The following LRRC7 variants were observed in gnomAD, a reference collection of about 807,000 sequenced individuals.
LRRC7 encodes leucine-rich repeat-containing protein 7.
Under a neutral mutation model 175.7 loss-of-function variants are expected in LRRC7, and 23 were observed. The observed-to-expected ratio is 0.13, with a 90% CI of 0.09 to 0.19. The LOEUF (loss-of-function observed/expected upper bound fraction) is 0.19, where lower values mean the gene tolerates loss of function less well. Among genes scored for constraint, LRRC7 ranks in the 10% least tolerant of loss-of-function variants. The pLI is 1.00. For synonymous variants in LRRC7, 685 were observed against 680.9 expected (o/e 1.01, Z -0.09); for missense variants, 1,354 against 1,904.7 (o/e 0.71, Z 5.38).
chr1:69,865,469 C>CTTTTTTTTTTTTTTTTTTTTT lies in LRRC7; in HGVS notation c.647+27191_647+27211dup, dbSNP rs532063540. ...ATAAGCAAGCTGCTGAAGACAGTTC[C>CTTTTTTTTTTTTTTTTTTTTT]TTTTTTTTTTTTTTTTTTTTTTTTT... On this transcript the variant is annotated intron_variant, in intron 7 of 26. Coordinates refer to ENST00000651989, the MANE Select transcript of LRRC7 (RefSeq NM_001370785.2). Among the ~76,000 whole-genome samples, 54 of 51,268 alleles carry CTTTTTTTTTTTTTTTTTTTTT rather than the reference C, an allele frequency of 1.1e-3. 11 individuals carry two copies. The highest frequency in any genetic ancestry group is 1.5e-3 in the African/African-American group (18 of 12,322). The allele number at this position is 51,268 out of a possible 152,430, so 33.6% of individuals were successfully genotyped here.
intron 1 of LRRC7, among the ~76,000 whole-genome samples, chr1:69,636,437 AC>A (rs1376857912): frequency 2.0e-5 from 3 of 151,828 alleles, no homozygotes; most frequent in Non-Finnish European, 4.4e-5. Context: ...ACACACACAC[AC>A]ACACACAGAG....
intron 8 of LRRC7, among the ~76,000 whole-genome samples, chr1:69,955,641 A>G (rs1650411810): frequency 6.6e-6 from 1 of 152,044 alleles, no homozygotes; most frequent in South Asian, 2.1e-4. Context: ...TCAGGTTGAT[A>G]AAATTGGTAT....
intron 2 of LRRC7, among the ~76,000 whole-genome samples, chr1:69,730,972 A>G (rs1309248457): frequency 1.3e-5 from 2 of 152,140 alleles, no homozygotes; most frequent in Non-Finnish European, 2.9e-5. Flanking sequence ...GGCAGCAAGC[A>G]GTGCCGAGAA....
At chr1:69,610,910 C>A (rs186137580) in intron 1 of LRRC7, among the ~76,000 whole-genome samples, 1 of 151,982 alleles carries the variant, frequency 6.6e-6, no homozygotes, top group African/African-American at 2.4e-5. Flanking sequence ...GTAGGAAAGA[C>A]CATTGCTTTT....
chr1:69,948,214 A>G (rs1649548484), intron 8 of LRRC7, among the ~76,000 whole-genome samples: 1 of 152,190 alleles, frequency 6.6e-6, no homozygotes, highest in African/African-American at 2.4e-5. Flanking sequence ...TGGTAACTAA[A>G]ACTATGGAAA....
At chr1:69,971,002 C>T (rs1166832153) in intron 8 of LRRC7, among the ~76,000 whole-genome samples, 3 of 152,060 alleles carry the variant, frequency 2.0e-5, no homozygotes, top group Non-Finnish European at 4.4e-5. Flanking sequence ...TGTGATACAC[C>T]ACATAAATAG....
intron 8 of LRRC7, among the ~76,000 whole-genome samples, chr1:69,961,247 A>G (rs1651052822): frequency 6.6e-6 from 1 of 152,228 alleles, no homozygotes; most frequent in African/African-American, 2.4e-5. Flanking sequence ...AATAAAAAGA[A>G]TAAAATACCT....
At chr1:70,075,107 G>T (rs974723903) in intron 23 of LRRC7, among the ~76,000 whole-genome samples, 1 of 152,128 alleles carries the variant, frequency 6.6e-6, no homozygotes. Flanking sequence ...CAATAGCAAT[G>T]GGTGAAGTAC....
At chr1:69,797,098 A>G (rs1675879060) in intron 4 of LRRC7, among the ~76,000 whole-genome samples, 1 of 152,192 alleles carries the variant, frequency 6.6e-6, no homozygotes, top group South Asian at 2.1e-4. Flanking sequence ...CAGGTAAATA[A>G]GAATTATATA....
chr1:70,011,180 A>C (rs1656469693), intron 11 of LRRC7, among the ~76,000 whole-genome samples: 8 of 152,196 alleles, frequency 5.3e-5, no homozygotes, highest in Admixed American at 5.2e-4. Context: ...AGGATAATAC[A>C]GTGACTCTCT....
At chr1:69,606,270 C>T (rs541228964) in intron 1 of LRRC7, among the ~76,000 whole-genome samples, 2 of 152,102 alleles carry the variant, frequency 1.3e-5, no homozygotes, top group East Asian at 3.9e-4. Flanking sequence ...CAGAACACCC[C>T]GAGCCTAGAA....
At chr1:69,905,720 A>G (rs1411300460) in intron 7 of LRRC7, among the ~76,000 whole-genome samples, 1 of 152,160 alleles carries the variant, frequency 6.6e-6, no homozygotes, top group African/African-American at 2.4e-5. Flanking sequence ...ATAAACATAC[A>G]TGTGCATGTG....
At chr1:69,770,695 G>A (rs1006145596) in intron 3 of LRRC7, among the ~76,000 whole-genome samples, 1 of 152,110 alleles carries the variant, frequency 6.6e-6, no homozygotes, top group Non-Finnish European at 1.5e-5. Context: ...TAATAAAGTT[G>A]CCCCATTTTA....
rs936068534 is a variant in LRRC7 at position 70,137,714 on chromosome 1, G to T, written c.*15827G>T. ...GATCAAGTCTCATGCATGTCATTTA[G>T]ACAGACAGCTGAAATGCTGACATGG... On this transcript the variant is annotated 3_prime_UTR_variant, in exon 27 of 27. Transcript: ENST00000651989. Among the ~76,000 whole-genome samples the T allele has an allele frequency of 6.6e-6, 1 of 152,230 alleles. No homozygotes were observed. The highest frequency in any genetic ancestry group is 2.4e-5 in the African/African-American group (1 of 41,460).
intron 2 of LRRC7, among the ~76,000 whole-genome samples, chr1:69,694,826 C>A (rs1408207349): frequency 1.3e-5 from 2 of 151,852 alleles, no homozygotes; most frequent in South Asian, 2.1e-4. Flanking sequence ...CTTCTTGAGG[C>A]CCTCACTAGA....
Position 69,816,910 on chromosome 1 carries a change from G to C in LRRC7, c.422-8838G>C, listed in dbSNP as rs60463856. ...TGTGATGCCATATTTGTCTTTCTAT[G>C]TCTAGCTTATTTCACTTAGCATGTC... is the stretch of plus-strand genomic sequence containing the variant. On this transcript the variant is annotated intron_variant, in intron 4 of 26. Coordinates refer to ENST00000651989, the MANE Select transcript of LRRC7 (RefSeq NM_001370785.2). 4.9e-3 allele frequency among the ~76,000 whole-genome samples: 741 copies of C among 152,130 alleles called. 19 individuals are homozygous for C. In the East Asian group the frequency reaches 0.079, roughly 16 times the overall value.
chr1:69,946,520 T>A (rs543732965), intron 8 of LRRC7, among the ~76,000 whole-genome samples: 52 of 152,228 alleles, frequency 3.4e-4, no homozygotes, highest in African/African-American at 1.2e-3. Context: ...ACTCATATTG[T>A]GTTGCTTTCT....
intron 22 of LRRC7, among the ~76,000 whole-genome samples, chr1:70,047,570 A>C (rs1660422830): frequency 6.6e-6 from 1 of 152,150 alleles, no homozygotes; most frequent in Admixed American, 6.6e-5. Flanking sequence ...AGAACTCTGC[A>C]CTTGATAAAC....
chr1:69,959,214 T>G (rs1167799993), intron 8 of LRRC7, among the ~76,000 whole-genome samples: 3 of 152,156 alleles, frequency 2.0e-5, no homozygotes. Context: ...AAAGGCAGAA[T>G]GTTGGATTCA....
Sources: gnomAD v4.1 joint callset for allele counts (sites outside exome capture counted in the v4.1 genomes callset) on GRCh38, gnomAD v4.1.1 for gene constraint, MANE v1.5 for transcripts, NCBI Gene and HGNC (gene_info 2026-07-23, HGNC 2026-07-21) for gene names.